The following RAB27B variants were observed in gnomAD, a reference collection of about 807,000 sequenced individuals.
RAB27B encodes the protein ras-related protein Rab-27B.
A neutral mutation model predicts 24.6 loss-of-function variants in RAB27B; 15 were observed. The ratio of observed to expected loss-of-function variants is 0.61; its 90% CI spans 0.41 to 0.94. The LOEUF (loss-of-function observed/expected upper bound fraction) is 0.94. Among genes scored for constraint, RAB27B ranks in the 40% least tolerant of loss-of-function variants. The pLI, the probability that RAB27B is intolerant of heterozygous loss-of-function variation, is 0.00. For synonymous variants in RAB27B, 105 were observed against 92.5 expected (o/e 1.14, Z -0.78); for missense variants, 261 against 266.8 (o/e 0.98, Z 0.15).
At chr18:54,738,387 G>A (rs1909966754) in intron 2 of RAB27B, among the ~76,000 whole-genome samples, 2 of 152,190 alleles carry the variant, frequency 1.3e-5, no homozygotes, top group African/African-American at 2.4e-5. Flanking sequence ...GGATCATGGG[G>A]GTGGTTTCTC....
intron 1 of RAB27B, among the ~76,000 whole-genome samples, chr18:54,844,375 C>CCT (rs1911234316): frequency 1.4e-5 from 2 of 145,058 alleles, no homozygotes; most frequent in Non-Finnish European, 3.0e-5. Context: ...ACTTTTATCT[C>CCT]TTCTTTCTTT....
intron 1 of RAB27B, among the ~76,000 whole-genome samples, chr18:54,845,976 C>G (rs1191191373): frequency 2.0e-5 from 3 of 152,148 alleles, no homozygotes; most frequent in Non-Finnish European, 4.4e-5. Context: ...TGAGGTCAAA[C>G]AAGTTGGTGC....
intron 2 of RAB27B, among the ~76,000 whole-genome samples, chr18:54,748,863 G>A (rs917275643): frequency 6.6e-5 from 10 of 152,216 alleles, no homozygotes; most frequent in African/African-American, 2.2e-4. Context: ...GGAACTAAAT[G>A]GTTGAGGTTC....
chr18:54,792,254 T>C (rs994216453), intron 2 of RAB27B, among the ~76,000 whole-genome samples: 5 of 152,224 alleles, frequency 3.3e-5, no homozygotes, highest in East Asian at 3.9e-4. Context: ...CCCTAGAGGT[T>C]TGAGCAGCGG....
chr18:54,733,520 G>A (rs1033702435), intron 2 of RAB27B, among the ~76,000 whole-genome samples: 3 of 152,060 alleles, frequency 2.0e-5, no homozygotes, highest in Admixed American at 2.0e-4. Flanking sequence ...ATTTTCAGAA[G>A]GAACTTGAGT....
intron 3 of RAB27B, among the ~76,000 whole-genome samples, chr18:54,881,655 C>G (rs1041639339): frequency 6.6e-6 from 1 of 152,056 alleles, no homozygotes; most frequent in Admixed American, 6.6e-5. Context: ...GTTCCTCCAC[C>G]CTGCTGACTC....
At chr18:54,742,549 T>A (rs910172800) in intron 2 of RAB27B, among the ~76,000 whole-genome samples, 1 of 152,214 alleles carries the variant, frequency 6.6e-6, no homozygotes, top group Non-Finnish European at 1.5e-5. Flanking sequence ...TGCAATAGAT[T>A]GGCCTTCATT....
At chr18:54,844,905 G>A (rs569439819) in intron 1 of RAB27B, among the ~76,000 whole-genome samples, 1 of 152,102 alleles carries the variant, frequency 6.6e-6, no homozygotes, top group Non-Finnish European at 1.5e-5. Context: ...GGAGGTATAG[G>A]GAGGGAGTTG....
At chr18:54,886,738 G>A (rs960919857) in intron 4 of RAB27B, among the ~76,000 whole-genome samples, 20 of 151,824 alleles carry the variant, frequency 1.3e-4, no homozygotes, top group East Asian at 3.9e-4. Flanking sequence ...GTTTTTAAAC[G>A]TCTCCAGAAG....
chr18:54,816,489 A>G (rs1335410352), intron 2 of RAB27B, among the ~76,000 whole-genome samples: 1 of 152,212 alleles, frequency 6.6e-6, no homozygotes, highest in Non-Finnish European at 1.5e-5. Flanking sequence ...TATTTTTCTA[A>G]TTTATTGAAC....
At chr18:54,851,102 C>T (rs756753085) in intron 1 of RAB27B, among the ~76,000 whole-genome samples, 1 of 152,030 alleles carries the variant, frequency 6.6e-6, no homozygotes, top group South Asian at 2.1e-4. Context: ...GGCAACTCAA[C>T]AAGTGTTTGT....
chr18:54,823,464 G>C (rs543923945), intron 2 of RAB27B, among the ~76,000 whole-genome samples: 1 of 152,182 alleles, frequency 6.6e-6, no homozygotes, highest in Non-Finnish European at 1.5e-5. Context: ...AGGATGAAAG[G>C]CATTATCATG....
At chr18:54,854,911 G>T (rs1457179908) in intron 1 of RAB27B, among the ~76,000 whole-genome samples, 1 of 151,712 alleles carries the variant, frequency 6.6e-6, no homozygotes, top group Non-Finnish European at 1.5e-5. Flanking sequence ...TTCACAGACT[G>T]GGATTGGGGG....
chr18:54,851,341 A>G (rs1430672538), intron 1 of RAB27B, among the ~76,000 whole-genome samples: 2 of 152,226 alleles, frequency 1.3e-5, no homozygotes, highest in Non-Finnish European at 2.9e-5. Flanking sequence ...AAAAAGCACC[A>G]AAGTGTACAG....
chr18:54,871,093 A>C (rs1316583226), intron 1 of RAB27B, among the ~76,000 whole-genome samples: 3 of 152,234 alleles, frequency 2.0e-5, no homozygotes, highest in African/African-American at 7.2e-5. Flanking sequence ...TTATATTTGC[A>C]ATTTGATCTG....
intron 1 of RAB27B, among the ~76,000 whole-genome samples, chr18:54,852,075 T>C (rs1031447351): frequency 1.3e-5 from 2 of 152,178 alleles, no homozygotes; most frequent in African/African-American, 4.8e-5. Context: ...ATTATTTAGG[T>C]TTAATGCACA....
intron 2 of RAB27B, among the ~76,000 whole-genome samples, chr18:54,805,176 C>T (rs1476684642): frequency 2.0e-5 from 3 of 151,992 alleles, no homozygotes; most frequent in Non-Finnish European, 2.9e-5. Flanking sequence ...GCACTCTGCA[C>T]ACTTCCCTTA....
chr18:54,739,414 C>A (rs1910002559), intron 2 of RAB27B, among the ~76,000 whole-genome samples: 2 of 149,240 alleles, frequency 1.3e-5, no homozygotes. Flanking sequence ...TGAGATCCTG[C>A]CATTGCACTC....
chr18:54,813,287 T>G (rs946710085), intron 2 of RAB27B, among the ~76,000 whole-genome samples: 2 of 152,234 alleles, frequency 1.3e-5, no homozygotes, highest in Non-Finnish European at 2.9e-5. Context: ...GTACTAGACA[T>G]GCTATGAGAA....
Sources: allele counts gnomAD v4.1 joint callset (sites outside exome capture counted in the v4.1 genomes callset), GRCh38; gene constraint gnomAD v4.1.1; transcripts MANE v1.5; gene names NCBI Gene and HGNC (gene_info 2026-07-23, HGNC 2026-07-21).